The following CTTN variants were observed in gnomAD, a reference collection of about 807,000 sequenced individuals.
CTTN encodes src substrate cortactin.
A neutral mutation model predicts 84.0 loss-of-function variants in CTTN; 28 were observed. The observed-to-expected ratio is 0.33, with a 90% CI of 0.25 to 0.46. The LOEUF (loss-of-function observed/expected upper bound fraction) is 0.46, where lower values mean the gene tolerates loss of function less well. Among genes scored for constraint, CTTN ranks in the 20% least tolerant of loss-of-function variants. CTTN has a pLI of 1.00. For synonymous variants in CTTN, 301 were observed against 288.8 expected (o/e 1.04, Z -0.43); for missense variants, 641 against 723.8 (o/e 0.89, Z 1.31).
intron 4 of CTTN, chr11:70,407,807 G>T: frequency 2.0e-6 from 1 of 501,602 alleles, no homozygotes; most frequent in South Asian, 3.5e-5. Flanking sequence ...ATACTTCTGT[G>T]CTCAGTAATT....
intron 8 of CTTN, among the ~76,000 whole-genome samples, chr11:70,417,519 G>A (rs1283845907): frequency 4.0e-5 from 6 of 150,676 alleles, no homozygotes; most frequent in South Asian, 4.2e-4. Context: ...TCTTTTAGAC[G>A]GAGTCTCGCT....
In CTTN at chr11:70,433,666, G is replaced by C. The variant is rs750034393; in HGVS notation, c.1464G>C (p.Glu488Asp). ...TTTTAGAGGACAGCACCTACGATGA[G>C]TACGAGAACGATCTGGGGATCACAG... ...HYPAEDSTYD[E>D]YENDLGITAV... Residue 488 changes from glutamate to aspartate, a missense_variant, in exon 17 of 18, where the codon GAG becomes GAC. Physicochemically the swap from Glu to Asp is conservative, Grantham distance 45 (BLOSUM62 2). Coordinates refer to ENST00000301843, the MANE Select transcript of CTTN (RefSeq NM_005231.4). The C allele has an allele frequency of 3.7e-6, 6 of 1,613,500 alleles. No individual in the cohort carries two copies. The East Asian group carries it at 1.3e-4, about 36-fold the overall frequency.
At position 70,415,961 on chromosome 11, in the gene CTTN, G is replaced by A. The variant is rs929857408; in HGVS notation, c.457+244G>A. 1.3e-5 allele frequency: 6 copies of A among 462,170 alleles called. No homozygotes were observed. In the Admixed American group the frequency reaches 1.9e-4, roughly 14 times the overall value. The allele number at this position is 462,170 out of a possible 1,614,324, so 28.6% of individuals were successfully genotyped here. ...CGTTACACATCCCCCTCGGAGCCCT[G>A]GCATCTGCTGTCATTGTGGGGCTTC... On this transcript the variant is annotated intron_variant, in intron 7 of 17. Transcript: ENST00000301843.
At chr11:70,421,662 A>G (rs893569173) in intron 11 of CTTN, 82 bp downstream of exon 11, 2 of 924,212 alleles carry the variant, frequency 2.2e-6, no homozygotes, top group Non-Finnish European at 3.5e-6. Context: ...GCTCACCGTC[A>G]GCACCTGCAA....
intron 13 of CTTN, among the ~76,000 whole-genome samples, chr11:70,427,150 G>T (rs572773435): frequency 6.6e-6 from 1 of 151,750 alleles, no homozygotes; most frequent in African/African-American, 2.4e-5. Flanking sequence ...AGGAGTTTGA[G>T]ACCAGACTGG....
rs953013084 is a variant in CTTN at position 70,429,077 on chromosome 11, G to C, written c.1054G>C (p.Ala352Pro). ...GACCAGCAAAACAAGTAACATCAGA[G>C]CTAACTTTGAAAACCTCGCTAAGGA... ...AVTSKTSNIR[A>P]NFENLAKEKE... is the part of the protein sequence containing the mutation. Residue 352 changes from alanine to proline, a missense_variant, in exon 14 of 18, where the codon GCT becomes CCT. Ala to Pro is a conservative substitution (Grantham distance 27). This residue lies in a region of CTTN where 289 missense variants were observed against 273.1 expected (regional missense o/e 1.06). Coordinates refer to ENST00000301843, the MANE Select transcript of CTTN (RefSeq NM_005231.4). 6.2e-7 allele frequency: 1 copy of C among 1,614,232 alleles called. No homozygotes were observed. Among genetic ancestry groups the C allele is most frequent in the Non-Finnish European group, 8.5e-7 (1 of 1,180,042 alleles).
intron 8 of CTTN, among the ~76,000 whole-genome samples, chr11:70,417,496 T>A (rs2058177937): frequency 2.1e-5 from 3 of 144,932 alleles, no homozygotes; most frequent in Non-Finnish European, 4.6e-5. Flanking sequence ...GACCTGTAAA[T>A]TTTTTTTTTT....
Position 70,405,269 on chromosome 11 carries a change from A to C in CTTN, c.-93A>C, listed in dbSNP as rs1427133183. ...TTACCCTTAATCTTTTTACAGACGGAATCAGTCCCCAATGCCTGGAAATTC... is the reference window on the plus strand; with the variant it reads ...TTACCCTTAATCTTTTTACAGACGGCATCAGTCCCCAATGCCTGGAAATTC... On this transcript the variant is annotated 5_prime_UTR_variant, in exon 2 of 18. Transcript: ENST00000301843. The C allele has an allele frequency of 6.6e-6, 1 of 152,202 alleles. No individual in the cohort carries two copies. Among genetic ancestry groups the C allele is most frequent in the East Asian group, 1.9e-4 (1 of 5,182 alleles). The allele number at this position is 152,202 out of a possible 1,614,324, so 9.4% of individuals were successfully genotyped here. A position where few individuals can be genotyped will look rare whatever the true frequency, so the allele number is the denominator to read the frequency against.
chr11:70,420,563 C>G lies in CTTN; in HGVS notation c.790+53C>G, dbSNP rs949918668. 9 of 1,324,702 alleles carry G rather than the reference C, an allele frequency of 6.8e-6. No individual in the cohort carries two copies. The East Asian group carries it at 2.1e-4, about 30-fold the overall frequency. The allele number at this position is 1,324,702 out of a possible 1,614,324, so 82.1% of individuals were successfully genotyped here. A position where few individuals can be genotyped will look rare whatever the true frequency, so the allele number is the denominator to read the frequency against. On this transcript the variant is annotated intron_variant, in intron 10 of 17. Transcript: ENST00000301843. ...TGGTTTTAGAAGTTTGTTTTTGTTC[C>G]TTGCGGGGTCAGTTGGTATGTGTTG...
intron 5 of CTTN, among the ~76,000 whole-genome samples, chr11:70,411,018 C>A (rs1189290523): frequency 1.3e-5 from 2 of 152,262 alleles, no homozygotes; most frequent in South Asian, 2.1e-4. Context: ...GGACCTTCTG[C>A]AGGAAAGAGA....
intron 9 of CTTN, 177 bp from the exon 10 acceptor site, chr11:70,420,223 C>T (rs1326440495): frequency 3.2e-6 from 2 of 620,232 alleles, no homozygotes; most frequent in East Asian, 2.7e-5. Flanking sequence ...AGGTTATTTC[C>T]TGCCACTCTC....
intron 5 of CTTN, among the ~76,000 whole-genome samples, chr11:70,412,432 A>T (rs536920042): frequency 4.6e-5 from 7 of 152,328 alleles, no homozygotes; most frequent in African/African-American, 1.4e-4. Flanking sequence ...CAGGAAATAA[A>T]TAGATTAAAC....
chr11:70,435,952 G>T lies in CTTN; in HGVS notation c.*790G>T. The T allele has an allele frequency of 1.4e-6, 2 of 1,435,526 alleles. No individual in the cohort carries two copies. The highest frequency in any genetic ancestry group is 1.8e-6 in the Non-Finnish European group (2 of 1,102,508). 88.9% of individuals were successfully genotyped at this position (1,435,526 alleles called of 1,614,324 possible). ...ACAGTGCAGTTGAGGTCTGCGTCGG[G>T]CTTGGCTTTTCACAAAGGCTGATGT... On this transcript the variant is annotated 3_prime_UTR_variant, in exon 18 of 18. Coordinates refer to ENST00000301843, the MANE Select transcript of CTTN (RefSeq NM_005231.4).
intron 2 of CTTN, 23 bp from the exon 3 acceptor site, chr11:70,407,275 A>C (rs776722572): frequency 1.3e-6 from 2 of 1,548,296 alleles, no homozygotes; most frequent in East Asian, 4.9e-5. Context: ...GGCCTCCGTA[A>C]CCCTCCCCGG....
intron 1 of CTTN, among the ~76,000 whole-genome samples, chr11:70,399,472 C>G (rs2057950134): frequency 6.6e-6 from 1 of 151,988 alleles, no homozygotes; most frequent in Non-Finnish European, 1.5e-5. Context: ...TGGGGATCCG[C>G]CCGGCCTGCA....
At position 70,436,457 on chromosome 11, in the gene CTTN, C is replaced by G; in HGVS notation, c.*1295C>G. ...CATTTTCTCATCATCCTTGCTTTAC[C>G]ACAATGAGCAATGAGGTCGGGTTTT... On this transcript the variant is annotated 3_prime_UTR_variant, in exon 18 of 18. Coordinates refer to ENST00000301843, the MANE Select transcript of CTTN (RefSeq NM_005231.4). The G allele has an allele frequency of 6.5e-7, 1 of 1,545,794 alleles. No homozygotes were observed. The highest frequency in any genetic ancestry group is 1.7e-4 in the Middle Eastern group (1 of 5,928).
At chr11:70,426,412 A>G (rs1173721791) in intron 13 of CTTN, among the ~76,000 whole-genome samples, 1 of 146,724 alleles carries the variant, frequency 6.8e-6, no homozygotes, top group African/African-American at 2.5e-5. Flanking sequence ...CTCCGTCTCA[A>G]AAAAAAAAAA....
chr11:70,398,898 G>T (rs1046424691), intron 1 of CTTN, among the ~76,000 whole-genome samples: 12 of 151,728 alleles, frequency 7.9e-5, no homozygotes, highest in African/African-American at 2.7e-4. Flanking sequence ...GGTCCGCGGA[G>T]GAAGGTTAGA....
At chr11:70,427,141 G>A (rs1406498047) in intron 13 of CTTN, among the ~76,000 whole-genome samples, 1 of 151,902 alleles carries the variant, frequency 6.6e-6, no homozygotes, top group Admixed American at 6.6e-5. Context: ...CCTGAGGTCA[G>A]GAGTTTGAGA....
Sources: allele counts gnomAD v4.1 joint callset (sites outside exome capture counted in the v4.1 genomes callset), GRCh38; gene constraint gnomAD v4.1.1; regional missense constraint gnomAD v4.1.1; transcripts MANE v1.5; gene names NCBI Gene and HGNC (gene_info 2026-07-23, HGNC 2026-07-21).